Variants in LRRC4C observed in about 807,000 individuals in gnomAD.
LRRC4C encodes leucine rich repeat containing 4C.
Under a neutral mutation model 33.6 loss-of-function variants are expected in LRRC4C, and 5 were observed. The observed-to-expected ratio is 0.15, with a 90% CI of 0.08 to 0.31. The LOEUF (loss-of-function observed/expected upper bound fraction) is 0.31. Among genes scored for constraint, LRRC4C ranks in the 10% least tolerant of loss-of-function variants. The pLI is 1.00. For synonymous variants in LRRC4C, 329 were observed against 302.0 expected (o/e 1.09, Z -0.93); for missense variants, 560 against 796.7 (o/e 0.70, Z 3.58).
chr11:41,070,467 A>G (rs1433639415), intron 1 of LRRC4C, among the ~76,000 whole-genome samples: 1 of 152,196 alleles, frequency 6.6e-6, no homozygotes, highest in African/African-American at 2.4e-5. Flanking sequence ...AACTATCACC[A>G]GAATGAAAAG....
At chr11:40,541,920 A>G (rs946506092) in intron 3 of LRRC4C, among the ~76,000 whole-genome samples, 10 of 152,010 alleles carry the variant, frequency 6.6e-5, no homozygotes, top group Admixed American at 3.3e-4. Flanking sequence ...AAAAACCTAA[A>G]TCTTCTGCCC....
chr11:40,367,562 C>T (rs938995675), intron 3 of LRRC4C, among the ~76,000 whole-genome samples: 2 of 152,012 alleles, frequency 1.3e-5, no homozygotes, highest in Non-Finnish European at 2.9e-5. Flanking sequence ...GTGACATTAG[C>T]TAGAAGGGGA....
chr11:40,544,428 ACACAGTTTCTT>A (rs2135405854), intron 3 of LRRC4C, among the ~76,000 whole-genome samples: 1 of 152,220 alleles, frequency 6.6e-6, no homozygotes, highest in East Asian at 1.9e-4. Flanking sequence ...TACTGACGAC[ACACAGTTTCTT>A]CACAGATTCT....
At chr11:41,192,864 T>G (rs1411833866) in intron 1 of LRRC4C, among the ~76,000 whole-genome samples, 2 of 152,108 alleles carry the variant, frequency 1.3e-5, no homozygotes, top group Non-Finnish European at 2.9e-5. Context: ...GAGAAGCATC[T>G]TCTTCTGATC....
chr11:41,009,577 A>T (rs984711410), intron 1 of LRRC4C, among the ~76,000 whole-genome samples: 10 of 152,240 alleles, frequency 6.6e-5, no homozygotes, highest in African/African-American at 1.4e-4. Context: ...AGAAAAAAAA[A>T]TCAGAGAATC....
intron 5 of LRRC4C, among the ~76,000 whole-genome samples, chr11:40,144,545 A>C (rs1344100140): frequency 6.6e-6 from 1 of 152,206 alleles, no homozygotes; most frequent in Non-Finnish European, 1.5e-5. Flanking sequence ...TGTTGAAAAC[A>C]AGACTGGCAA....
intron 3 of LRRC4C, among the ~76,000 whole-genome samples, chr11:40,346,423 A>T (rs1237166365): frequency 6.6e-6 from 1 of 152,200 alleles, no homozygotes. Flanking sequence ...GCTAGAGGCC[A>T]TTATTCTTAG....
intron 2 of LRRC4C, among the ~76,000 whole-genome samples, chr11:40,918,028 A>G (rs1957032121): frequency 6.6e-6 from 1 of 152,150 alleles, no homozygotes; most frequent in African/African-American, 2.4e-5. Flanking sequence ...CAATGCCATG[A>G]TCACAGAAGT....
At chr11:40,344,245 A>T (rs1204231942) in intron 3 of LRRC4C, among the ~76,000 whole-genome samples, 1 of 152,150 alleles carries the variant, frequency 6.6e-6, no homozygotes, top group Non-Finnish European at 1.5e-5. Flanking sequence ...ACATGCAAAA[A>T]TCATCAACAA....
intron 1 of LRRC4C, among the ~76,000 whole-genome samples, chr11:40,977,554 T>G (rs981216263): frequency 6.6e-6 from 1 of 152,076 alleles, no homozygotes; most frequent in Non-Finnish European, 1.5e-5. Flanking sequence ...TGACTATAAG[T>G]CTCAACTATA....
At chr11:41,324,891 C>T (rs1247687980) in intron 1 of LRRC4C, among the ~76,000 whole-genome samples, 2 of 152,088 alleles carry the variant, frequency 1.3e-5, no homozygotes, top group African/African-American at 4.8e-5. Flanking sequence ...GGATTTTACA[C>T]TTGTATCATA....
chr11:40,897,646 A>G (rs1298180515), intron 2 of LRRC4C, among the ~76,000 whole-genome samples: 1 of 152,242 alleles, frequency 6.6e-6, no homozygotes, highest in Non-Finnish European at 1.5e-5. Flanking sequence ...TGGCATTTGC[A>G]TGGGATGACA....
At chr11:40,592,015 A>G (rs889302049) in intron 3 of LRRC4C, among the ~76,000 whole-genome samples, 1 of 151,252 alleles carries the variant, frequency 6.6e-6, no homozygotes, top group Admixed American at 6.6e-5. Context: ...GAGCTGCCCA[A>G]TTCATGAATC....
At chr11:40,990,635 T>G (rs1853469776) in intron 1 of LRRC4C, among the ~76,000 whole-genome samples, 1 of 152,152 alleles carries the variant, frequency 6.6e-6, no homozygotes, top group Non-Finnish European at 1.5e-5. Context: ...GCCTTTTACA[T>G]TGCGTTGACA....
chr11:41,074,999 A>C, intron 1 of LRRC4C, among the ~76,000 whole-genome samples: 1 of 110,038 alleles, frequency 9.1e-6, no homozygotes. Flanking sequence ...CCATCCTCCC[A>C]CAACCTTCAA....
chr11:41,271,324 C>T (rs1591119218), intron 1 of LRRC4C, among the ~76,000 whole-genome samples: 2 of 152,230 alleles, frequency 1.3e-5, no homozygotes, highest in South Asian at 4.1e-4. Flanking sequence ...AGCCACAAGT[C>T]CTGTCCTGTG....
chr11:40,934,250 C>T (rs574270198), intron 1 of LRRC4C, among the ~76,000 whole-genome samples: 3 of 152,252 alleles, frequency 2.0e-5, no homozygotes, highest in East Asian at 3.9e-4. Context: ...GACCTTTTCC[C>T]TCTGAAGTAG....
chr11:41,445,176 T>C (rs1425417539), intron 1 of LRRC4C, among the ~76,000 whole-genome samples: 1 of 152,190 alleles, frequency 6.6e-6, no homozygotes, highest in African/African-American at 2.4e-5. Context: ...GAAAGGAAGA[T>C]TTAACATGCA....
intron 3 of LRRC4C, among the ~76,000 whole-genome samples, chr11:40,638,874 A>C (rs1043759692): frequency 1.3e-5 from 2 of 152,006 alleles, no homozygotes; most frequent in Non-Finnish European, 2.9e-5. Flanking sequence ...ATAAGACTTA[A>C]TATACGATGT....
Sources: gnomAD v4.1 joint callset for allele counts (sites outside exome capture counted in the v4.1 genomes callset) on GRCh38, gnomAD v4.1.1 for gene constraint, MANE v1.5 for transcripts, NCBI Gene and HGNC (gene_info 2026-07-23, HGNC 2026-07-21) for gene names.